C8orf34: variants seen among roughly 807,000 people sequenced by gnomAD.
C8orf34 encodes chromosome 8 open reading frame 34.
Under a neutral mutation model 68.3 loss-of-function variants are expected in C8orf34, and 65 were observed. That is an observed-to-expected ratio of 0.95 (90% CI 0.78 to 1.17). C8orf34 has a LOEUF of 1.17. Among genes scored for constraint, C8orf34 ranks in the 50% most tolerant of loss-of-function variants. The pLI is 0.00. For missense variants in C8orf34, 664 were observed against 655.4 expected (o/e 1.01, Z -0.14); for synonymous variants, 244 against 241.2 (o/e 1.01, Z -0.11).
At chr8:68,805,837 C>T (rs528189183) in intron 12 of C8orf34, among the ~76,000 whole-genome samples, 1 of 152,080 alleles carries the variant, frequency 6.6e-6, no homozygotes, top group East Asian at 1.9e-4. Context: ...TATTATTATA[C>T]TTATTTTTGA....
At chr8:68,406,784 C>T (rs1435563448) in intron 1 of C8orf34, among the ~76,000 whole-genome samples, 1 of 152,174 alleles carries the variant, frequency 6.6e-6, no homozygotes, top group Non-Finnish European at 1.5e-5. Context: ...CATGAGCCAC[C>T]ACGTCCGACC....
chr8:68,444,895 C>A (rs1811057474), intron 2 of C8orf34, among the ~76,000 whole-genome samples: 1 of 151,996 alleles, frequency 6.6e-6, no homozygotes, highest in Non-Finnish European at 1.5e-5. Context: ...TTTTTTCTCC[C>A]ATTACCTATG....
chr8:68,561,925 T>C (rs1444573778), intron 7 of C8orf34, among the ~76,000 whole-genome samples: 1 of 152,334 alleles, frequency 6.6e-6, no homozygotes, highest in Admixed American at 6.5e-5. Flanking sequence ...CCATCTCCTA[T>C]GATAACAATG....
At chr8:68,461,441 C>A (rs1228011220) in intron 3 of C8orf34, among the ~76,000 whole-genome samples, 1 of 152,080 alleles carries the variant, frequency 6.6e-6, no homozygotes, top group African/African-American at 2.4e-5. Context: ...ATACTGAGAA[C>A]GCCACAAAGA....
chr8:68,572,909 T>G (rs1469404510), intron 7 of C8orf34, among the ~76,000 whole-genome samples: 1 of 152,142 alleles, frequency 6.6e-6, no homozygotes, highest in African/African-American at 2.4e-5. Context: ...CTTTCTATTA[T>G]TTCAGTGTCC....
At chr8:68,669,878 A>G (rs1819953332) in intron 8 of C8orf34, among the ~76,000 whole-genome samples, 1 of 152,178 alleles carries the variant, frequency 6.6e-6, no homozygotes, top group Non-Finnish European at 1.5e-5. Flanking sequence ...TAACTCTGGG[A>G]TGAATTTCTG....
At chr8:68,477,355 T>C (rs1229016162) in intron 4 of C8orf34, among the ~76,000 whole-genome samples, 1 of 152,202 alleles carries the variant, frequency 6.6e-6, no homozygotes, top group African/African-American at 2.4e-5. Flanking sequence ...AGAGTTGACA[T>C]GGCCCATGCC....
At chr8:68,743,487 G>C (rs574929832) in intron 10 of C8orf34, among the ~76,000 whole-genome samples, 27 of 152,086 alleles carry the variant, frequency 1.8e-4, no homozygotes, top group Non-Finnish European at 3.5e-4. Flanking sequence ...CCAGACAGTG[G>C]GTGCAGGTCA....
chr8:68,358,902 T>A (rs1184101213), intron 1 of C8orf34, among the ~76,000 whole-genome samples: 2 of 152,064 alleles, frequency 1.3e-5, no homozygotes, highest in Non-Finnish European at 2.9e-5. Flanking sequence ...TTCACTGTTG[T>A]TGGTCACTCT....
At chr8:68,418,219 A>G (rs1809765941) in intron 1 of C8orf34, among the ~76,000 whole-genome samples, 1 of 139,370 alleles carries the variant, frequency 7.2e-6, no homozygotes, top group Admixed American at 7.2e-5. Context: ...TTTTCTAGAT[A>G]TACAATCATG....
intron 1 of C8orf34, among the ~76,000 whole-genome samples, chr8:68,425,109 C>T (rs978515470): frequency 1.3e-5 from 2 of 152,072 alleles, no homozygotes; most frequent in African/African-American, 2.4e-5. Flanking sequence ...ACTATCAGTA[C>T]ATTCAAAATA....
intron 7 of C8orf34, among the ~76,000 whole-genome samples, chr8:68,635,730 C>T (rs552230837): frequency 1.2e-3 from 189 of 152,294 alleles, no homozygotes; most frequent in South Asian, 4.1e-3. Flanking sequence ...ATCTCCTACA[C>T]AGCACTGTAC....
At chr8:68,706,156 G>T (rs1040985426) in intron 8 of C8orf34, among the ~76,000 whole-genome samples, 3 of 152,210 alleles carry the variant, frequency 2.0e-5, no homozygotes, top group Non-Finnish European at 4.4e-5. Context: ...ACCAATCCTA[G>T]AATGATGATT....
intron 7 of C8orf34, among the ~76,000 whole-genome samples, chr8:68,553,188 G>T (rs143048234): frequency 1.1e-4 from 16 of 151,596 alleles, no homozygotes; most frequent in East Asian, 7.8e-4. Flanking sequence ...GATCGAGACC[G>T]TCCTGGCTAA....
In C8orf34 at chr8:68,409,178, A is replaced by G. The variant is rs192879122; in HGVS notation, c.328-30321A>G. Among the ~76,000 whole-genome samples the G allele has an allele frequency of 2.2e-4, 33 of 152,304 alleles. 1 individual carries two copies. Among genetic ancestry groups the G allele is most frequent in the South Asian group, 6.2e-4 (3 of 4,832 alleles). On this transcript the variant is annotated intron_variant, in intron 1 of 13. Transcript: ENST00000518698. ...TCATAAATGGCTATGTTACTAGTTTATGTATTTTCTATATTTGAATAATTA... is the reference window on the plus strand; with the variant it reads ...TCATAAATGGCTATGTTACTAGTTTGTGTATTTTCTATATTTGAATAATTA...
intron 4 of C8orf34, among the ~76,000 whole-genome samples, chr8:68,484,298 C>T (rs114011592): frequency 8.3e-4 from 126 of 152,288 alleles, no homozygotes; most frequent in African/African-American, 2.9e-3. Flanking sequence ...CCCCATGATC[C>T]AGTCACCTCC....
At chr8:68,606,872 G>T (rs926241277) in intron 7 of C8orf34, among the ~76,000 whole-genome samples, 2 of 152,010 alleles carry the variant, frequency 1.3e-5, no homozygotes, top group South Asian at 4.1e-4. Flanking sequence ...GATTTTCCTT[G>T]TTTATTGGAT....
At chr8:68,790,485 C>T (rs191070682) in intron 12 of C8orf34, among the ~76,000 whole-genome samples, 1 of 152,252 alleles carries the variant, frequency 6.6e-6, no homozygotes, top group African/African-American at 2.4e-5. Context: ...AGGGGTAATG[C>T]ATATTTCTTA....
At chr8:68,474,260 T>C (rs1812506106) in intron 4 of C8orf34, among the ~76,000 whole-genome samples, 1 of 152,202 alleles carries the variant, frequency 6.6e-6, no homozygotes, top group Admixed American at 6.5e-5. Flanking sequence ...CCTCTTCAAA[T>C]GTGACCTTTC....
Sources: allele counts gnomAD v4.1 joint callset (sites outside exome capture counted in the v4.1 genomes callset), GRCh38; gene constraint gnomAD v4.1.1; transcripts MANE v1.5; gene names NCBI Gene and HGNC (gene_info 2026-07-23, HGNC 2026-07-21).